TRPM4: variants seen among roughly 807,000 people sequenced by gnomAD.
TRPM4 encodes the protein transient receptor potential cation channel subfamily M member 4.
A neutral mutation model predicts 135.6 loss-of-function variants in TRPM4; 124 were observed. The ratio of observed to expected loss-of-function variants is 0.91; its 90% CI spans 0.79 to 1.06. The LOEUF is 1.06. Among genes scored for constraint, TRPM4 ranks in the 50% least tolerant of loss-of-function variants. The probability of loss-of-function intolerance (pLI) is 0.00; values close to 1 mark genes in which losing one functional copy is unlikely to be tolerated. For missense variants in TRPM4, 1,658 were observed against 1,671.4 expected (o/e 0.99, Z 0.14); for synonymous variants, 745 against 705.6 (o/e 1.06, Z -0.88).
chr19:49,190,799 G>A (rs775562638), intron 16 of TRPM4, 26 bp downstream of exon 16: 1 of 1,609,892 alleles, frequency 6.2e-7, no homozygotes, highest in Non-Finnish European at 8.5e-7. Context: ...AGCACTGTGT[G>A]AGGTGGGGAC....
intron 12 of TRPM4, among the ~76,000 whole-genome samples, chr19:49,187,538 T>TG (rs1319516466): frequency 2.6e-5 from 4 of 151,846 alleles, no homozygotes; most frequent in Non-Finnish European, 4.4e-5. Context: ...TTTGTAGAGA[T>TG]GGAGTCTCAC....
At chr19:49,194,007 T>G (rs1250829219) in intron 16 of TRPM4, among the ~76,000 whole-genome samples, 1 of 130,840 alleles carries the variant, frequency 7.6e-6, no homozygotes, top group Non-Finnish European at 1.7e-5. Context: ...CCTCTTTCTC[T>G]TCCTCCTCCT....
intron 20 of TRPM4, among the ~76,000 whole-genome samples, chr19:49,204,982 GTTTTTTT>G (rs756332219): frequency 1.5e-3 from 94 of 60,774 alleles, no homozygotes; most frequent in African/African-American, 5.3e-3. Context: ...GGCTTTGGTT[GTTTTTTT>G]TTTTTTTTTT....
Position 49,168,426 on chromosome 19 carries a change from G to A in TRPM4, c.612+3G>A. The A allele has an allele frequency of 6.2e-7, 1 of 1,614,032 alleles. No homozygotes were observed. The highest frequency in any genetic ancestry group is 8.5e-7 in the Non-Finnish European group (1 of 1,180,022). ...GAGACACCCTCATCAACCCCAAGGT[G>A]TGACCCAGGGACTTGGAAAAGGGGG... On this transcript the variant is annotated splice_donor_region_variant and intron_variant, in intron 5 of 24. Coordinates refer to ENST00000252826, the MANE Select transcript of TRPM4 (RefSeq NM_017636.4).
At chr19:49,204,142 T>C (rs1470354894) in intron 20 of TRPM4, among the ~76,000 whole-genome samples, 1 of 152,090 alleles carries the variant, frequency 6.6e-6, no homozygotes, top group Non-Finnish European at 1.5e-5. Flanking sequence ...CCACATTTGA[T>C]TTACCCGCTC....
At chr19:49,198,799 C>A (rs1968799201) in intron 17 of TRPM4, among the ~76,000 whole-genome samples, 1 of 152,038 alleles carries the variant, frequency 6.6e-6, no homozygotes, top group South Asian at 2.1e-4. Context: ...GGGTCTCACT[C>A]TGTTGCCCAG....
rs761273055 is a variant in TRPM4, at chr19:49,168,357, G to A, written c.546G>A (p.Lys182=). Residue 182 remains lysine, a synonymous_variant, in exon 5 of 25, where the codon AAG becomes AAA. Transcript: ENST00000252826. ...AGATGGCCAGCACTGGGGGCACCAA[G>A]GTGGTGGCCATGGGTGTGGCCCCCT... ...DHQMASTGGT[K]VVAMGVAPWG... is the part of the protein sequence containing the mutation. 7 of 1,614,136 alleles carry A rather than the reference G, an allele frequency of 4.3e-6. 1 individual carries two copies. The South Asian group carries it at 6.6e-5, about 15-fold the overall frequency.
chr19:49,207,622 G>A (rs1355291443), intron 20 of TRPM4, among the ~76,000 whole-genome samples: 1 of 121,308 alleles, frequency 8.2e-6, no homozygotes, highest in African/African-American at 3.4e-5. Flanking sequence ...CACCAACAGA[G>A]TGAAACCTTG....
intron 20 of TRPM4, among the ~76,000 whole-genome samples, chr19:49,203,181 G>A (rs527976124): frequency 6.0e-5 from 9 of 150,934 alleles, no homozygotes; most frequent in Middle Eastern, 3.5e-3. Context: ...GTGAGCCACC[G>A]CGCCCCGCCT....
rs764327774 is a variant in TRPM4 at position 49,211,167 on chromosome 19, C to T, written c.3538C>T (p.Gln1180Ter). ...TGACATTCCTCCCATTCCGCAGGTC[C>T]AGCAGTGTAGCCGCGTCCTGGGGTG... ...QRLKVLEREV[Q>*]QCSRVLGWVA... Residue 1180 changes from glutamine (Q) to a stop codon, truncating the protein, a stop_gained, in exon 24 of 25, where the codon CAG becomes TAG. Coordinates refer to ENST00000252826, the MANE Select transcript of TRPM4 (RefSeq NM_017636.4). LOFTEE classifies it high-confidence loss of function. This position sits in a 1 kb window ranked among gnomAD's most constrained non-coding sequence, Gnocchi z 4.8. 3.1e-6 allele frequency: 5 copies of T among 1,607,160 alleles called. No homozygotes were observed. Among genetic ancestry groups the T allele is most frequent in the Non-Finnish European group, 3.4e-6 (4 of 1,177,360 alleles).
rs147564317 is a variant in TRPM4 at position 49,203,411 on chromosome 19, C to T, written c.3131+1270C>T. On this transcript the variant is annotated intron_variant, in intron 20 of 24. Transcript: ENST00000252826. Reference sequence around the variant, plus strand: ...AGCCAGGATGGTTTCGATCTCCTGACCTTGTGATCCGCCCGCCTTGGCCTC... The same window carrying T: ...AGCCAGGATGGTTTCGATCTCCTGATCTTGTGATCCGCCCGCCTTGGCCTC... 9.2e-4 allele frequency among the ~76,000 whole-genome samples: 140 copies of T among 152,198 alleles called. 1 individual carries two copies. In the Middle Eastern group the frequency reaches 0.02, roughly 22 times the overall value.
Position 49,211,675 on chromosome 19 carries a change from C to A in TRPM4, c.*177C>A. 1 of 800,648 alleles carries A rather than the reference C, an allele frequency of 1.2e-6. No homozygotes were observed. The highest frequency in any genetic ancestry group is 1.5e-5 in the South Asian group (1 of 68,076). 49.6% of individuals were successfully genotyped at this position (800,648 alleles called of 1,614,324 possible). On this transcript the variant is annotated 3_prime_UTR_variant, in exon 25 of 25. Coordinates refer to ENST00000252826, the MANE Select transcript of TRPM4 (RefSeq NM_017636.4). The surrounding 1 kb of genome is among the most constrained non-coding windows in gnomAD (Gnocchi z 4.8). ...TGTCATCCTTACAAACCACAGCATGCCCGGCTCCTCCCAGAACCAGTCCCA... is the reference window on the plus strand; with the variant it reads ...TGTCATCCTTACAAACCACAGCATGACCGGCTCCTCCCAGAACCAGTCCCA...
At chr19:49,163,259 A>G (rs1276390747) in intron 2 of TRPM4, among the ~76,000 whole-genome samples, 2 of 150,292 alleles carry the variant, frequency 1.3e-5, no homozygotes, top group African/African-American at 4.9e-5. Flanking sequence ...GCAGTGGCAC[A>G]ATCTCTGCTC....
At chr19:49,166,735 C>A (rs890736370) in intron 3 of TRPM4, among the ~76,000 whole-genome samples, 1 of 130,518 alleles carries the variant, frequency 7.7e-6, no homozygotes, top group Non-Finnish European at 1.6e-5. Flanking sequence ...TCTCTGTCCC[C>A]GTCTCTCTGG....
chr19:49,204,212 G>A (rs996318841), intron 20 of TRPM4, among the ~76,000 whole-genome samples: 1 of 152,174 alleles, frequency 6.6e-6, no homozygotes, highest in Admixed American at 6.5e-5. Flanking sequence ...AATGTTTGTT[G>A]GAACATTGGC....
At chr19:49,195,239 A>G (rs1293519800) in intron 16 of TRPM4, among the ~76,000 whole-genome samples, 1 of 152,158 alleles carries the variant, frequency 6.6e-6, no homozygotes, top group Non-Finnish European at 1.5e-5. Flanking sequence ...AACTCTGTAC[A>G]TGCTTAGCAC....
intron 20 of TRPM4, among the ~76,000 whole-genome samples, chr19:49,204,009 A>C (rs1208273321): frequency 6.6e-6 from 1 of 152,148 alleles, no homozygotes; most frequent in Non-Finnish European, 1.5e-5. Context: ...AATTCCAGCT[A>C]CTTGGGAGGC....
intron 12 of TRPM4, among the ~76,000 whole-genome samples, chr19:49,184,151 A>G (rs1479292423): frequency 6.6e-6 from 1 of 152,030 alleles, no homozygotes; most frequent in African/African-American, 2.4e-5. Context: ...AGGACATTAT[A>G]TCTTCAAATA....
intron 12 of TRPM4, among the ~76,000 whole-genome samples, chr19:49,184,207 T>C (rs2122950164): frequency 6.6e-6 from 1 of 152,220 alleles, no homozygotes; most frequent in Admixed American, 6.5e-5. Context: ...GGACTCTCAT[T>C]ATGTATGTAT....
Sources: gnomAD v4.1 joint callset for allele counts (sites outside exome capture counted in the v4.1 genomes callset) on GRCh38, gnomAD v4.1.1 for gene constraint, Gnocchi (gnomAD v3.1) non-coding constraint, MANE v1.5 for transcripts, NCBI Gene and HGNC (gene_info 2026-07-23, HGNC 2026-07-21) for gene names.